Variants in DLG1 observed in about 807,000 individuals in gnomAD.
The protein encoded by DLG1 is discs large MAGUK scaffold protein 1, also known as disks large homolog 1.
DLG1 carries 42 observed loss-of-function variants against 123.4 expected under a neutral mutation model. The ratio of observed to expected loss-of-function variants is 0.34; its 90% CI spans 0.27 to 0.44. The LOEUF (loss-of-function observed/expected upper bound fraction) is 0.44. Ranked by LOEUF, DLG1 falls within the 20% of genes least tolerant of loss-of-function variation. The pLI is 1.00. For missense variants in DLG1, 942 were observed against 1,082.6 expected, an observed-to-expected ratio of 0.87 and a Z score of 1.82; for synonymous variants, 317 against 356.2, an observed-to-expected ratio of 0.89 and a Z score of 1.24.
rs571721656 is a variant in DLG1 at position 197,250,207 on chromosome 3, C to A, written c.318+32472G>T. 5.9e-5 allele frequency among the ~76,000 whole-genome samples: 9 copies of A among 152,262 alleles called. No homozygotes were observed. The South Asian group carries it at 1.0e-3, about 18-fold the overall frequency. ...GAACTGATACATATGCTTAGTAAAG[C>A]TGCAGGATCCAAAATCAACATGAAA... On this transcript the variant is annotated intron_variant, in intron 4 of 24. Transcript: ENST00000667157.
intron 5 of DLG1, among the ~76,000 whole-genome samples, chr3:197,165,323 C>T (rs1800878595): frequency 6.6e-6 from 1 of 152,138 alleles, no homozygotes; most frequent in Non-Finnish European, 1.5e-5. Flanking sequence ...ACTCCTGTTA[C>T]CTGGATTTAT....
intron 4 of DLG1, among the ~76,000 whole-genome samples, chr3:197,274,528 G>GA (rs1327722149): frequency 1.3e-5 from 2 of 151,932 alleles, no homozygotes; most frequent in African/African-American, 4.8e-5. Context: ...GATACGATAC[G>GA]AAAACATTGG....
chr3:197,133,323 A>C (rs1446152976), intron 10 of DLG1, among the ~76,000 whole-genome samples: 3 of 152,218 alleles, frequency 2.0e-5, no homozygotes, highest in Non-Finnish European at 4.4e-5. Flanking sequence ...GCACCTGGCT[A>C]ACAGTCCCAG....
At chr3:197,082,918 A>AG (rs1202862327) in intron 16 of DLG1, among the ~76,000 whole-genome samples, 2 of 152,214 alleles carry the variant, frequency 1.3e-5, no homozygotes, top group Non-Finnish European at 2.9e-5. Context: ...TATTGGGTGT[A>AG]GGCACAGAAA....
At chr3:197,117,747 A>G (rs1421422170) in intron 12 of DLG1, among the ~76,000 whole-genome samples, 1 of 152,184 alleles carries the variant, frequency 6.6e-6, no homozygotes, top group Non-Finnish European at 1.5e-5. Context: ...GGAAATAGTG[A>G]AGGGTTCCGA....
chr3:197,140,370 A>G, intron 7 of DLG1, 106 bp from the exon 8 acceptor site: 1 of 1,175,104 alleles, frequency 8.5e-7, no homozygotes, highest in Non-Finnish European at 1.2e-6. Flanking sequence ...GAACACAACA[A>G]ATAAAGGTAT....
At chr3:197,056,169 G>C (rs1731547603) in intron 23 of DLG1, among the ~76,000 whole-genome samples, 1 of 152,136 alleles carries the variant, frequency 6.6e-6, no homozygotes, top group Non-Finnish European at 1.5e-5. Context: ...ATCCGAAATA[G>C]TAACATCAGA....
intron 10 of DLG1, 38 bp downstream of exon 10, chr3:197,136,504 C>T (rs755137441): frequency 5.1e-6 from 8 of 1,559,638 alleles, no homozygotes; most frequent in Non-Finnish European, 7.0e-6. Flanking sequence ...AAACAGACTA[C>T]AAAATGATTT....
chr3:197,121,423 G>A (rs867687461), intron 11 of DLG1, among the ~76,000 whole-genome samples: 2 of 152,222 alleles, frequency 1.3e-5, no homozygotes, highest in Middle Eastern at 6.8e-3. Context: ...AGCTTGAAGT[G>A]AGAATGGGAA....
intron 13 of DLG1, among the ~76,000 whole-genome samples, chr3:197,109,434 G>A (rs906926876): frequency 6.6e-6 from 1 of 152,148 alleles, no homozygotes; most frequent in Non-Finnish European, 1.5e-5. Flanking sequence ...TTGTGGTGTT[G>A]TCATATTAAT....
chr3:197,243,138 C>A (rs1749823207), intron 4 of DLG1, among the ~76,000 whole-genome samples: 1 of 152,148 alleles, frequency 6.6e-6, no homozygotes, highest in Non-Finnish European at 1.5e-5. Context: ...TCTGTGTCCT[C>A]CCCCAGTTAA....
chr3:197,255,892 T>C (rs956248172), intron 4 of DLG1, among the ~76,000 whole-genome samples: 2 of 152,088 alleles, frequency 1.3e-5, no homozygotes, highest in African/African-American at 2.4e-5. Flanking sequence ...ATTGCAGTTA[T>C]AAAAAGGCAT....
rs77436670 is a variant in DLG1 at position 197,296,239 on chromosome 3, G to A, written c.151+107C>T. ...ACTCACTGAAGATGTTCAAGTTACC[G>A]AATGCCTCAGAGAATTAAGTACATC... On this transcript the variant is annotated intron_variant, in intron 3 of 24. Transcript: ENST00000667157. 416 of 1,093,666 alleles carry A rather than the reference G, an allele frequency of 3.8e-4. 2 individuals carry two copies. The East Asian group carries it at 9.8e-3, about 26-fold the overall frequency. 67.7% of individuals were successfully genotyped at this position (1,093,666 alleles called of 1,614,324 possible). A position where few individuals can be genotyped will look rare whatever the true frequency, so the allele number is the denominator to read the frequency against.
At position 197,213,176 on chromosome 3, in the gene DLG1, A is replaced by G. The variant is rs1436010264; in HGVS notation, c.319-18587T>C. Reference sequence around the variant, plus strand: ...CTGTTAACAATCTAAATGTCCATCAACAGATAGGAATAAACAAAGTGTTTT... The same window carrying G: ...CTGTTAACAATCTAAATGTCCATCAGCAGATAGGAATAAACAAAGTGTTTT... On this transcript the variant is annotated intron_variant, in intron 4 of 24. Coordinates refer to ENST00000667157, the MANE Select transcript of DLG1 (RefSeq NM_001366207.1). Among the ~76,000 whole-genome samples the G allele has an allele frequency of 3.9e-5, 6 of 152,366 alleles. No homozygotes were observed. The East Asian group carries it at 1.2e-3, about 29-fold the overall frequency.
At chr3:197,149,902 T>G in intron 5 of DLG1, 106 bp from the exon 6 acceptor site, 1 of 712,216 alleles carries the variant, frequency 1.4e-6, no homozygotes, top group South Asian at 1.7e-5. Context: ...TAAGTTATAA[T>G]CTTATATGAG....
intron 5 of DLG1, among the ~76,000 whole-genome samples, chr3:197,154,870 GA>G (rs1795666253): frequency 6.6e-6 from 1 of 152,054 alleles, no homozygotes; most frequent in South Asian, 2.1e-4. Flanking sequence ...TAGGACAAGG[GA>G]AAGTACTGAG....
chr3:197,161,523 A>T, intron 5 of DLG1: 1 of 563,356 alleles, frequency 1.8e-6, no homozygotes, highest in Non-Finnish European at 2.9e-6. Context: ...TACTAACTGA[A>T]GCCCAAAGTA....
Position 197,150,197 on chromosome 3 carries a change from C to T in DLG1, c.484-401G>A, listed in dbSNP as rs578158407. 7.9e-5 allele frequency among the ~76,000 whole-genome samples: 12 copies of T among 152,090 alleles called. No homozygotes were observed. The East Asian group carries it at 1.3e-3, about 17-fold the overall frequency. On this transcript the variant is annotated intron_variant, in intron 5 of 24. Transcript: ENST00000667157. ...TTTCATCACCCAGGAGAAAATTCTT[C>T]CCCACAGTGAACTGTTTTTAAACAA...
At chr3:197,119,755 T>A (rs891363227) in intron 11 of DLG1, among the ~76,000 whole-genome samples, 1 of 152,064 alleles carries the variant, frequency 6.6e-6, no homozygotes, top group Non-Finnish European at 1.5e-5. Flanking sequence ...AGTGTTGGGA[T>A]TACAGGCATA....
Sources: allele counts gnomAD v4.1 joint callset (sites outside exome capture counted in the v4.1 genomes callset), GRCh38; gene constraint gnomAD v4.1.1; transcripts MANE v1.5; gene names NCBI Gene and HGNC (gene_info 2026-07-23, HGNC 2026-07-21).